MAN2A1: variants seen among roughly 807,000 people sequenced by gnomAD.
The protein encoded by MAN2A1 is mannosidase alpha class 2A member 1.
A neutral mutation model predicts 142.6 loss-of-function variants in MAN2A1; 76 were observed. The ratio of observed to expected loss-of-function variants is 0.53; its 90% CI spans 0.44 to 0.65. The LOEUF is 0.65. MAN2A1 is among the 30% of genes least tolerant of loss of function. The probability of loss-of-function intolerance (pLI) is 0.00; values close to 1 mark genes in which losing one functional copy is unlikely to be tolerated. For missense variants in MAN2A1, 1,311 were observed against 1,365.1 expected (o/e 0.96, Z 0.62); for synonymous variants, 559 against 473.2 (o/e 1.18, Z -2.35).
At chr5:109,839,265 T>C (rs1020346976) in intron 16 of MAN2A1, among the ~76,000 whole-genome samples, 1 of 152,248 alleles carries the variant, frequency 6.6e-6, no homozygotes, top group Non-Finnish European at 1.5e-5. Context: ...ATTTTGGCTT[T>C]ACAAAACTAT....
At chr5:109,746,516 A>G (rs980494846) in intron 4 of MAN2A1, among the ~76,000 whole-genome samples, 18 of 151,208 alleles carry the variant, frequency 1.2e-4, no homozygotes, top group African/African-American at 4.4e-4. Flanking sequence ...GCACATGTAC[A>G]TAAAGGCATA....
intron 16 of MAN2A1, among the ~76,000 whole-genome samples, chr5:109,824,387 C>A (rs1754706554): frequency 6.6e-6 from 1 of 152,082 alleles, no homozygotes; most frequent in Non-Finnish European, 1.5e-5. Context: ...GGCTTTTGAT[C>A]CTTTTGAGAA....
At chr5:109,819,962 A>G in intron 14 of MAN2A1, 75 bp downstream of exon 14, 1 of 1,056,386 alleles carries the variant, frequency 9.5e-7, no homozygotes, top group East Asian at 2.4e-5. Context: ...TAATTAGGCA[A>G]AAGGGGAAAA....
At chr5:109,741,860 A>C (rs1033921850) in intron 4 of MAN2A1, among the ~76,000 whole-genome samples, 3 of 152,252 alleles carry the variant, frequency 2.0e-5, no homozygotes, top group Non-Finnish European at 2.9e-5. Context: ...TTATAATCAT[A>C]GTACCTACTG....
Position 109,755,461 on chromosome 5 carries a change from G to A in MAN2A1, c.835+5G>A. On this transcript the variant is annotated splice_donor_5th_base_variant and intron_variant, in intron 5 of 21. Transcript: ENST00000261483. Reference sequence around the variant, plus strand: ...AGTGGCTGGAAAATAATATAGGTATGTATTGGTATATTCTTTATTTGGGCT... The same window carrying A: ...AGTGGCTGGAAAATAATATAGGTATATATTGGTATATTCTTTATTTGGGCT... The A allele has an allele frequency of 6.2e-7, 1 of 1,608,344 alleles. No homozygotes were observed. The highest frequency in any genetic ancestry group is 8.5e-7 in the Non-Finnish European group (1 of 1,175,980).
chr5:109,837,687 A>G (rs906145476), intron 16 of MAN2A1, among the ~76,000 whole-genome samples: 3 of 152,180 alleles, frequency 2.0e-5, no homozygotes. Flanking sequence ...TTCACTCAGC[A>G]TACGTTTACC....
intron 4 of MAN2A1, among the ~76,000 whole-genome samples, chr5:109,740,128 G>C (rs1752225249): frequency 1.3e-5 from 2 of 152,288 alleles, no homozygotes; most frequent in South Asian, 2.1e-4. Context: ...TCCAGCATCA[G>C]TTTGTATTGC....
intron 8 of MAN2A1, among the ~76,000 whole-genome samples, chr5:109,777,067 C>T (rs147366296): frequency 2.5e-4 from 38 of 152,110 alleles, no homozygotes; most frequent in Admixed American, 7.2e-4. Flanking sequence ...AATATTTTGT[C>T]CATGTTTTGG....
chr5:109,724,969 C>G (rs902014470), intron 3 of MAN2A1, among the ~76,000 whole-genome samples: 9 of 152,016 alleles, frequency 5.9e-5, no homozygotes, highest in Non-Finnish European at 1.2e-4. Context: ...GTACTTTTTT[C>G]CTAGTCCTTT....
chr5:109,792,478 C>T (rs928168713), intron 12 of MAN2A1, among the ~76,000 whole-genome samples: 1 of 152,080 alleles, frequency 6.6e-6, no homozygotes, highest in Non-Finnish European at 1.5e-5. Flanking sequence ...TAGCCAAAAA[C>T]AGAGCTCTGA....
chr5:109,692,909 G>A (rs1313963721), intron 1 of MAN2A1, among the ~76,000 whole-genome samples: 2 of 152,144 alleles, frequency 1.3e-5, no homozygotes, highest in African/African-American at 4.8e-5. Context: ...CCTGGCATGC[G>A]CAGTTCACAA....
Position 109,867,039 on chromosome 5 carries a change from T to G in MAN2A1, c.*41T>G. ...TTGGATTGAGAATCATTGGCTTTTA[T>G]ACCTTTCTTGGTTTGACGTGCAATA... On this transcript the variant is annotated 3_prime_UTR_variant, in exon 22 of 22. Coordinates refer to ENST00000261483, the MANE Select transcript of MAN2A1 (RefSeq NM_002372.4). 1 of 1,568,998 alleles carries G rather than the reference T, an allele frequency of 6.4e-7. No homozygotes were observed. Among genetic ancestry groups the G allele is most frequent in the Non-Finnish European group, 8.7e-7 (1 of 1,152,270 alleles).
At chr5:109,822,778 C>T (rs1411380234) in intron 15 of MAN2A1, among the ~76,000 whole-genome samples, 1 of 151,970 alleles carries the variant, frequency 6.6e-6, no homozygotes, top group Non-Finnish European at 1.5e-5. Context: ...CCTGGGTTCA[C>T]GCCATTTTCC....
At chr5:109,851,725 G>T (rs1291067364) in intron 19 of MAN2A1, among the ~76,000 whole-genome samples, 1 of 152,126 alleles carries the variant, frequency 6.6e-6, no homozygotes, top group Non-Finnish European at 1.5e-5. Context: ...TTCTTTGACG[G>T]TTTATCCTTA....
chr5:109,753,052 T>C (rs906579683), intron 4 of MAN2A1, among the ~76,000 whole-genome samples: 1 of 152,242 alleles, frequency 6.6e-6, no homozygotes, highest in African/African-American at 2.4e-5. Context: ...ATCTGCAGTT[T>C]TTTTCTCTAT....
intron 4 of MAN2A1, among the ~76,000 whole-genome samples, chr5:109,746,338 ATTTAG>A (rs1162828653): frequency 6.6e-6 from 1 of 152,134 alleles, no homozygotes; most frequent in South Asian, 2.1e-4. Flanking sequence ...TCAGAAAAAA[ATTTAG>A]TTTAATTTAC....
chr5:109,694,642 C>T (rs1165084328), intron 1 of MAN2A1, among the ~76,000 whole-genome samples: 1 of 149,040 alleles, frequency 6.7e-6, no homozygotes, highest in Non-Finnish European at 1.5e-5. Context: ...ATTCACTGCT[C>T]CCAGTTGCCT....
At chr5:109,752,885 T>G (rs1045773906) in intron 4 of MAN2A1, among the ~76,000 whole-genome samples, 6 of 152,278 alleles carry the variant, frequency 3.9e-5, no homozygotes, top group African/African-American at 1.4e-4. Context: ...GCTGGGAAAA[T>G]TAGTTACTGT....
chr5:109,858,890 C>G (rs954391443), intron 20 of MAN2A1, among the ~76,000 whole-genome samples: 9 of 152,308 alleles, frequency 5.9e-5, no homozygotes, highest in Admixed American at 5.9e-4. Flanking sequence ...AGGCGAGTTG[C>G]AGGCTGCAGG....
Sources: allele counts gnomAD v4.1 joint callset (sites outside exome capture counted in the v4.1 genomes callset), GRCh38; gene constraint gnomAD v4.1.1; transcripts MANE v1.5; gene names NCBI Gene and HGNC (gene_info 2026-07-23, HGNC 2026-07-21).